PDE3A: variants seen among roughly 807,000 people sequenced by gnomAD.
PDE3A encodes phosphodiesterase 3A.
PDE3A carries 43 observed loss-of-function variants against 98.3 expected under a neutral mutation model. The observed-to-expected ratio is 0.44, with a 90% confidence interval of 0.34 to 0.56. PDE3A has a LOEUF of 0.56. Among genes scored for constraint, PDE3A ranks in the 20% least tolerant of loss-of-function variants. The pLI, the probability that PDE3A is intolerant of heterozygous loss-of-function variation, is 0.01. For synonymous variants in PDE3A, 663 were observed against 567.9 expected, an observed-to-expected ratio of 1.17 and a Z score of -2.38; for missense variants, 1,427 against 1,440.7, an observed-to-expected ratio of 0.99 and a Z score of 0.15.
At chr12:20,392,635 A>G (rs966072376) in intron 1 of PDE3A, among the ~76,000 whole-genome samples, 2 of 152,212 alleles carry the variant, frequency 1.3e-5, no homozygotes, top group African/African-American at 4.8e-5. Context: ...GTGATCCAGC[A>G]GTCCTACTGC....
At chr12:20,596,565 G>A (rs1943471448) in intron 2 of PDE3A, among the ~76,000 whole-genome samples, 2 of 152,086 alleles carry the variant, frequency 1.3e-5, no homozygotes, top group African/African-American at 4.8e-5. Context: ...AATGAAGACG[G>A]ATGCCTTCCT....
chr12:20,372,318 T>A (rs889159576), intron 1 of PDE3A, among the ~76,000 whole-genome samples: 6 of 152,188 alleles, frequency 3.9e-5, no homozygotes, highest in African/African-American at 1.4e-4. Flanking sequence ...TGAAGATTAT[T>A]CTAAAGTGGG....
chr12:20,589,708 A>C (rs1943282595), intron 2 of PDE3A, among the ~76,000 whole-genome samples: 1 of 151,792 alleles, frequency 6.6e-6, no homozygotes, highest in Non-Finnish European at 1.5e-5. Context: ...CTCCACTAAA[A>C]ACACAAAAAA....
At chr12:20,587,450 T>A (rs200046477) in intron 2 of PDE3A, among the ~76,000 whole-genome samples, 3 of 149,496 alleles carry the variant, frequency 2.0e-5, no homozygotes, top group Non-Finnish European at 3.0e-5. Flanking sequence ...TTTTTTTTTT[T>A]AATTAGGACT....
At chr12:20,556,764 A>T in intron 2 of PDE3A, 54 bp downstream of exon 2, 2 of 1,268,814 alleles carry the variant, frequency 1.6e-6, no homozygotes, top group Non-Finnish European at 2.3e-6. Flanking sequence ...ACTTTCAGCC[A>T]CGGGTTTTCT....
At chr12:20,444,843 G>C (rs889567301) in intron 1 of PDE3A, among the ~76,000 whole-genome samples, 1 of 152,178 alleles carries the variant, frequency 6.6e-6, no homozygotes, top group Non-Finnish European at 1.5e-5. Flanking sequence ...GGCATGGTAA[G>C]AAGACTTGGA....
At chr12:20,655,235 A>T (rs982782816) in intron 15 of PDE3A, among the ~76,000 whole-genome samples, 1 of 152,198 alleles carries the variant, frequency 6.6e-6, no homozygotes, top group Non-Finnish European at 1.5e-5. Context: ...ATCCAGGGAT[A>T]GGAAAGATGT....
intron 2 of PDE3A, among the ~76,000 whole-genome samples, chr12:20,589,043 C>T (rs1319880588): frequency 1.3e-5 from 2 of 152,126 alleles, no homozygotes; most frequent in Non-Finnish European, 2.9e-5. Flanking sequence ...CTGCCTCAGC[C>T]TCCCGAGTAG....
rs142528395 is a variant in PDE3A at position 20,638,857 on chromosome 12, G to GT, written c.2140-979dup. 1.0e-3 allele frequency among the ~76,000 whole-genome samples: 154 copies of GT among 149,740 alleles called. 1 individual carries two copies. Among genetic ancestry groups the GT allele is most frequent in the Middle Eastern group, 6.8e-3 (2 of 294 alleles). ...AATCTTCATAGTAACTTTAGTGCAG[G>GT]TTTTTTTTTTAAATATGTATCTTAT... is the stretch of plus-strand genomic sequence containing the variant. On this transcript the variant is annotated intron_variant, in intron 9 of 15. Coordinates refer to ENST00000359062, the MANE Select transcript of PDE3A (RefSeq NM_000921.5).
In PDE3A at chr12:20,686,653, TGAA is replaced by T. The variant is rs1334910027; in HGVS notation, c.*6386_*6388del. 6.6e-6 allele frequency among the ~76,000 whole-genome samples: 1 copy of T among 152,122 alleles called. No individual in the cohort carries two copies. Among genetic ancestry groups the T allele is most frequent in the Non-Finnish European group, 1.5e-5 (1 of 68,008 alleles). ...TTCCTGTTTCAAAACAAAAACCAGA[TGAA>T]GAAAAAACAAAGACAAACTCATAGG... On this transcript the variant is annotated 3_prime_UTR_variant, in exon 16 of 16. Transcript: ENST00000359062.
At chr12:20,593,975 C>T (rs1943404322) in intron 2 of PDE3A, among the ~76,000 whole-genome samples, 1 of 152,060 alleles carries the variant, frequency 6.6e-6, no homozygotes, top group East Asian at 1.9e-4. Context: ...GAGGAGATGG[C>T]TGTGCCTGAG....
chr12:20,682,138 G>T lies in PDE3A; in HGVS notation c.*1867G>T, dbSNP rs930140967. 6.6e-6 allele frequency: 1 copy of T among 152,156 alleles called. No homozygotes were observed. The highest frequency in any genetic ancestry group is 6.5e-5 in the Admixed American group (1 of 15,268). The allele number at this position is 152,156 out of a possible 1,614,324, so 9.4% of individuals were successfully genotyped here. A position where few individuals can be genotyped will look rare whatever the true frequency, so the allele number is the denominator to read the frequency against. On this transcript the variant is annotated 3_prime_UTR_variant, in exon 16 of 16. Coordinates refer to ENST00000359062, the MANE Select transcript of PDE3A (RefSeq NM_000921.5). ...TTTTCACTAGTAACTTTTGCTAACT[G>T]AATGAATTCTGGGTCCATATCTCCC...
chr12:20,539,884 G>A (rs185535663), intron 1 of PDE3A, among the ~76,000 whole-genome samples: 5 of 127,074 alleles, frequency 3.9e-5, no homozygotes, highest in Admixed American at 2.6e-4. Context: ...CAAAAATTAC[G>A]TGAAGTAGGT....
At chr12:20,385,392 G>A (rs950449896) in intron 1 of PDE3A, among the ~76,000 whole-genome samples, 2 of 151,812 alleles carry the variant, frequency 1.3e-5, no homozygotes, top group Non-Finnish European at 2.9e-5. Flanking sequence ...GATTCCTCAG[G>A]GATCTAGAAC....
At chr12:20,462,818 T>C (rs1056195007) in intron 1 of PDE3A, among the ~76,000 whole-genome samples, 1 of 152,016 alleles carries the variant, frequency 6.6e-6, no homozygotes, top group African/African-American at 2.4e-5. Flanking sequence ...TGAGTCAGCA[T>C]CTCACTCTGT....
chr12:20,469,808 G>T (rs944180067), intron 1 of PDE3A, among the ~76,000 whole-genome samples: 1 of 152,152 alleles, frequency 6.6e-6, no homozygotes, highest in African/African-American at 2.4e-5. Flanking sequence ...TCTAGGAAAT[G>T]AAAACAGTAA....
chr12:20,584,158 G>A (rs1467505735), intron 2 of PDE3A, among the ~76,000 whole-genome samples: 1 of 152,198 alleles, frequency 6.6e-6, no homozygotes, highest in African/African-American at 2.4e-5. Flanking sequence ...CATAATCCTT[G>A]ATTTTGCAGG....
At chr12:20,636,483 A>AG (rs1425810147) in intron 8 of PDE3A, among the ~76,000 whole-genome samples, 1 of 152,126 alleles carries the variant, frequency 6.6e-6, no homozygotes, top group Non-Finnish European at 1.5e-5. Context: ...ATTATAAAAA[A>AG]CCTTTACTTT....
chr12:20,573,849 T>G (rs779896668), intron 2 of PDE3A, among the ~76,000 whole-genome samples: 3 of 152,086 alleles, frequency 2.0e-5, no homozygotes, highest in Non-Finnish European at 4.4e-5. Flanking sequence ...AACTACAAGG[T>G]CAATCTTCGA....
Sources: allele counts gnomAD v4.1 joint callset (sites outside exome capture counted in the v4.1 genomes callset), GRCh38; gene constraint gnomAD v4.1.1; transcripts MANE v1.5; gene names NCBI Gene and HGNC (gene_info 2026-07-23, HGNC 2026-07-21).